NSRP1: variants seen among roughly 807,000 people sequenced by gnomAD.
NSRP1 encodes coiled-coil domain containing 55.
A neutral mutation model predicts 54.7 loss-of-function variants in NSRP1; 24 were observed. That is an observed-to-expected ratio of 0.44 (90% CI 0.32 to 0.62). The LOEUF (loss-of-function observed/expected upper bound fraction) is 0.62. Ranked by LOEUF, NSRP1 falls within the 20% of genes least tolerant of loss-of-function variation. The probability of loss-of-function intolerance (pLI) is 0.06; values close to 1 mark genes in which losing one functional copy is unlikely to be tolerated. For missense variants in NSRP1, 596 were observed against 651.2 expected (o/e 0.92, Z 0.92); for synonymous variants, 210 against 213.8 (o/e 0.98, Z 0.15).
chr17:30,148,221 G>A (rs933565370), intron 2 of NSRP1, among the ~76,000 whole-genome samples: 1 of 152,182 alleles, frequency 6.6e-6, no homozygotes, highest in Non-Finnish European at 1.5e-5. Flanking sequence ...TTATTAGATT[G>A]ATACATTTTT....
At chr17:30,140,934 C>T (rs2071799477) in intron 2 of NSRP1, among the ~76,000 whole-genome samples, 1 of 152,222 alleles carries the variant, frequency 6.6e-6, no homozygotes, top group East Asian at 1.9e-4. Context: ...CCCACCTCAA[C>T]CTCCTAAGTA....
chr17:30,176,525 G>A lies in NSRP1; in HGVS notation c.172-1546G>A, dbSNP rs138745383. ...CTCAGGAGGCTGAGGCAGGGGAATCGCTTGAACCCAGGAGGCGGAGGTTGC... is the reference window on the plus strand; with the variant it reads ...CTCAGGAGGCTGAGGCAGGGGAATCACTTGAACCCAGGAGGCGGAGGTTGC... On this transcript the variant is annotated intron_variant, in intron 3 of 6. Transcript: ENST00000247026. Among the ~76,000 whole-genome samples, 469 of 150,766 alleles carry A rather than the reference G, an allele frequency of 3.1e-3. 3 individuals carry two copies. Among genetic ancestry groups the A allele is most frequent in the African/African-American group, 0.011 (444 of 41,046 alleles).
chr17:30,133,051 C>A (rs549760758), intron 2 of NSRP1, among the ~76,000 whole-genome samples: 8 of 152,204 alleles, frequency 5.3e-5, no homozygotes, highest in African/African-American at 1.9e-4. Flanking sequence ...ACGATCCTCC[C>A]ACCTCAGTCA....
intron 2 of NSRP1, among the ~76,000 whole-genome samples, chr17:30,131,738 G>A (rs1361511727): frequency 6.6e-6 from 1 of 151,976 alleles, no homozygotes; most frequent in Non-Finnish European, 1.5e-5. Flanking sequence ...CAAAAATGAA[G>A]TTTGCTGCAT....
intron 2 of NSRP1, among the ~76,000 whole-genome samples, chr17:30,126,619 T>C (rs2071651977): frequency 6.6e-6 from 1 of 152,186 alleles, no homozygotes; most frequent in South Asian, 2.1e-4. Flanking sequence ...AACAGAGTCT[T>C]GTTCTATTGC....
intron 6 of NSRP1, among the ~76,000 whole-genome samples, chr17:30,181,597 GTT>G (rs35525133): frequency 7.4e-5 from 10 of 135,370 alleles, no homozygotes; most frequent in South Asian, 4.5e-4. Context: ...TGTGTGTGTG[GTT>G]TTTTTTTTTT....
At chr17:30,129,220 G>A (rs2071678617) in intron 2 of NSRP1, among the ~76,000 whole-genome samples, 1 of 151,636 alleles carries the variant, frequency 6.6e-6, no homozygotes, top group Non-Finnish European at 1.5e-5. Flanking sequence ...GAAAATATTG[G>A]GACATTTTAA....
intron 2 of NSRP1, among the ~76,000 whole-genome samples, chr17:30,169,773 A>T (rs1009322561): frequency 5.9e-5 from 9 of 151,990 alleles, no homozygotes; most frequent in African/African-American, 2.2e-4. Flanking sequence ...TTAAATATGT[A>T]TTATATGACC....
At chr17:30,158,479 T>G (rs1904395008) in intron 2 of NSRP1, among the ~76,000 whole-genome samples, 1 of 152,132 alleles carries the variant, frequency 6.6e-6, no homozygotes, top group South Asian at 2.1e-4. Flanking sequence ...CAGTCCCATT[T>G]ATCTATCTTT....
intron 2 of NSRP1, among the ~76,000 whole-genome samples, chr17:30,169,095 GA>G (rs1175143093): frequency 6.6e-6 from 1 of 151,960 alleles, no homozygotes; most frequent in Non-Finnish European, 1.5e-5. Flanking sequence ...TATGAACATA[GA>G]AACAAAATCT....
At chr17:30,170,260 A>T (rs999315668) in intron 2 of NSRP1, among the ~76,000 whole-genome samples, 9 of 152,182 alleles carry the variant, frequency 5.9e-5, no homozygotes, top group Non-Finnish European at 1.2e-4. Context: ...GATGGTAAAA[A>T]GTTTACTACA....
chr17:30,161,152 T>C (rs1161790623), intron 2 of NSRP1, among the ~76,000 whole-genome samples: 2 of 152,224 alleles, frequency 1.3e-5, no homozygotes, highest in African/African-American at 4.8e-5. Flanking sequence ...TATATATGTT[T>C]CTGGGTTTTG....
At chr17:30,138,131 G>T (rs551879755) in intron 2 of NSRP1, among the ~76,000 whole-genome samples, 4 of 152,176 alleles carry the variant, frequency 2.6e-5, no homozygotes, top group African/African-American at 9.6e-5. Context: ...TTGTGACGGG[G>T]TTATTTCACT....
intron 2 of NSRP1, among the ~76,000 whole-genome samples, chr17:30,161,959 A>T (rs193085688): frequency 6.6e-6 from 1 of 151,732 alleles, no homozygotes; most frequent in East Asian, 1.9e-4. Context: ...AAGATTGAAC[A>T]TTTTTAATAT....
At chr17:30,176,233 T>G (rs547673006) in intron 3 of NSRP1, among the ~76,000 whole-genome samples, 91 of 152,280 alleles carry the variant, frequency 6.0e-4, no homozygotes, top group Non-Finnish European at 9.8e-4. Flanking sequence ...TTATTTATGT[T>G]GCAACATAGT....
intron 2 of NSRP1, among the ~76,000 whole-genome samples, chr17:30,159,635 ATTCT>A (rs1430653007): frequency 2.0e-5 from 3 of 151,658 alleles, no homozygotes; most frequent in African/African-American, 7.3e-5. Flanking sequence ...GTTGAGGTAT[ATTCT>A]TTCTTTTTAT....
chr17:30,154,819 C>T (rs559575166), intron 2 of NSRP1, among the ~76,000 whole-genome samples: 152 of 152,194 alleles, frequency 1.0e-3, no homozygotes, highest in African/African-American at 3.5e-3. Context: ...TTATACTTAA[C>T]AGCTGAACAT....
intron 2 of NSRP1, 103 bp downstream of exon 2, chr17:30,118,276 G>A: frequency 1.3e-6 from 1 of 769,374 alleles, no homozygotes; most frequent in Non-Finnish European, 2.1e-6. Flanking sequence ...TGTCAGTACA[G>A]TGGAGTATAA....
At position 30,184,874 on chromosome 17, in the gene NSRP1, A is replaced by C. The variant is rs755882248; in HGVS notation, c.877A>C (p.Ser293Arg). ...GAGTCAAAACCACTCTCGGTCACCT[A>C]GTGAAGAAAGAGGGCACAGTACCAG... Reference protein sequence around the residue: ...HRSQNHSRSPSEERGHSTRHH... With the variant: ...HRSQNHSRSPREERGHSTRHH... The change falls in exon 7 of 7, where the codon AGT (serine) becomes CGT (arginine). Residue 293 changes from serine (S) to arginine (R), a missense_variant. Ser to Arg is a moderately radical substitution (Grantham distance 110). Transcript: ENST00000247026. 6.2e-7 allele frequency: 1 copy of C among 1,614,182 alleles called. No homozygotes were observed. The highest frequency in any genetic ancestry group is 1.1e-5 in the South Asian group (1 of 91,078).
Sources: allele counts gnomAD v4.1 joint callset (sites outside exome capture counted in the v4.1 genomes callset), GRCh38; gene constraint gnomAD v4.1.1; transcripts MANE v1.5; gene names NCBI Gene and HGNC (gene_info 2026-07-23, HGNC 2026-07-21).